CTTNBP2: variants seen among roughly 807,000 people sequenced by gnomAD.
CTTNBP2 encodes cortactin binding protein 2.
In CTTNBP2, 108 loss-of-function variants were observed where a neutral mutation model predicts 156.9. The observed-to-expected ratio is 0.69, with a 90% CI of 0.59 to 0.81. The LOEUF (loss-of-function observed/expected upper bound fraction) is 0.81. CTTNBP2 is among the 30% of genes least tolerant of loss of function. The pLI, the probability that CTTNBP2 is intolerant of heterozygous loss-of-function variation, is 0.00. For synonymous variants in CTTNBP2, 767 were observed against 751.8 expected (o/e 1.02, Z -0.33); for missense variants, 1,924 against 2,035.4 (o/e 0.95, Z 1.05).
intron 11 of CTTNBP2, among the ~76,000 whole-genome samples, chr7:117,757,490 A>G (rs1796945258): frequency 6.7e-6 from 1 of 149,530 alleles, no homozygotes; most frequent in African/African-American, 2.5e-5. Context: ...ATTAGCCTGT[A>G]CCATCGTGAT....
chr7:117,750,793 C>T (rs1449905490), intron 12 of CTTNBP2, among the ~76,000 whole-genome samples: 2 of 152,164 alleles, frequency 1.3e-5, no homozygotes, highest in Admixed American at 6.5e-5. Flanking sequence ...ACGCTTCCAG[C>T]AGAGGGCTCT....
intron 4 of CTTNBP2, 31 bp downstream of exon 4, chr7:117,791,097 T>C: frequency 6.4e-7 from 1 of 1,555,458 alleles, no homozygotes; most frequent in South Asian, 1.2e-5. Flanking sequence ...CCATATTCTT[T>C]AAAAAGCGTA....
chr7:117,861,078 G>T, intron 2 of CTTNBP2, 131 bp downstream of exon 2: 1 of 629,648 alleles, frequency 1.6e-6, no homozygotes, highest in South Asian at 2.0e-5. Context: ...TTGGGGTGAA[G>T]AGCACATTTT....
chr7:117,850,454 A>G (rs982881618), intron 2 of CTTNBP2, among the ~76,000 whole-genome samples: 1 of 152,194 alleles, frequency 6.6e-6, no homozygotes, highest in African/African-American at 2.4e-5. Flanking sequence ...GATAAATAGG[A>G]GAGACTAACA....
In CTTNBP2 at chr7:117,819,356, T is replaced by TTCTCTCTCTC. The variant is rs144262146; in HGVS notation, c.190-8377_190-8368dup. On this transcript the variant is annotated intron_variant, in intron 2 of 22. Coordinates refer to ENST00000160373, the MANE Select transcript of CTTNBP2 (RefSeq NM_033427.3). ...TTCACATACTCTTTCTCTTTTCTCC[T>TTCTCTCTCTC]TCTCTCTCTCTCACACACACACACA... Among the ~76,000 whole-genome samples the TTCTCTCTCTC allele has an allele frequency of 9.5e-4, 121 of 127,124 alleles. 2 individuals are homozygous for TTCTCTCTCTC. Among genetic ancestry groups the TTCTCTCTCTC allele is most frequent in the South Asian group, 4.7e-3 (17 of 3,632 alleles). The allele number at this position is 127,124 out of a possible 152,430, so 83.4% of individuals were successfully genotyped here. A position where few individuals can be genotyped will look rare whatever the true frequency, so the allele number is the denominator to read the frequency against.
rs527755711 is a variant in CTTNBP2 at position 117,836,027 on chromosome 7, C to T, written c.190-25038G>A. On this transcript the variant is annotated intron_variant, in intron 2 of 22. Transcript: ENST00000160373. ...TGTTGCCTGACACAAGGAAAAGTGT[C>T]GAGTTCTGTCACTTTCAAGAAGAGG... is the stretch of plus-strand genomic sequence containing the variant. Among the ~76,000 whole-genome samples the T allele has an allele frequency of 3.3e-5, 5 of 152,274 alleles. No individual in the cohort carries two copies. The South Asian group carries it at 6.2e-4, about 19-fold the overall frequency.
rs1162860528 is a variant in CTTNBP2 at position 117,819,365 on chromosome 7, TCTCACACA to T, written c.190-8384_190-8377del. Among the ~76,000 whole-genome samples, 39 of 136,916 alleles carry T rather than the reference TCTCACACA, an allele frequency of 2.8e-4. 1 individual carries two copies. Among genetic ancestry groups the T allele is most frequent in the Admixed American group, 1.0e-3 (14 of 13,998 alleles). 89.8% of individuals were successfully genotyped at this position (136,916 alleles called of 152,430 possible). ...TCTTTCTCTTTTCTCCTTCTCTCTC[TCTCACACA>T]CACACACACACACACACACACACAC... On this transcript the variant is annotated intron_variant, in intron 2 of 22. Transcript: ENST00000160373.
At chr7:117,721,367 A>C (rs890869814) in intron 19 of CTTNBP2, among the ~76,000 whole-genome samples, 1 of 152,242 alleles carries the variant, frequency 6.6e-6, no homozygotes, top group Admixed American at 6.5e-5. Context: ...GGAACTCGGT[A>C]CAACTAACAC....
At position 117,864,724 on chromosome 7, in the gene CTTNBP2, A is replaced by ATT. The variant is rs759692246; in HGVS notation, c.82-3409_82-3408insAA. ...CATATATTCATATATATTCATATAT[A>ATT]CATATATTCATATATATTCATTCAA... On this transcript the variant is annotated intron_variant, in intron 1 of 22. Coordinates refer to ENST00000160373, the MANE Select transcript of CTTNBP2 (RefSeq NM_033427.3). Among the ~76,000 whole-genome samples the ATT allele has an allele frequency of 3.3e-3, 440 of 131,696 alleles. 1 individual carries two copies. Among genetic ancestry groups the ATT allele is most frequent in the Non-Finnish European group, 5.8e-3 (350 of 60,488 alleles). The allele number at this position is 131,696 out of a possible 152,430, so 86.4% of individuals were successfully genotyped here. A position where few individuals can be genotyped will look rare whatever the true frequency, so the allele number is the denominator to read the frequency against.
chr7:117,762,117 G>A (rs1336025655), intron 9 of CTTNBP2, among the ~76,000 whole-genome samples: 3 of 152,098 alleles, frequency 2.0e-5, no homozygotes, highest in Non-Finnish European at 2.9e-5. Flanking sequence ...TAATGATAGT[G>A]TGTTTTGGGG....
chr7:117,768,127 G>A (rs1797595695), intron 8 of CTTNBP2, among the ~76,000 whole-genome samples: 2 of 151,594 alleles, frequency 1.3e-5, no homozygotes, highest in African/African-American at 4.9e-5. Flanking sequence ...CCACTTGGAG[G>A]CATGGGGCTG....
chr7:117,870,252 G>C (rs1302151729), intron 1 of CTTNBP2, among the ~76,000 whole-genome samples: 1 of 152,152 alleles, frequency 6.6e-6, no homozygotes, highest in African/African-American at 2.4e-5. Context: ...ATCTCAGTAA[G>C]TGTTCAGTAA....
intron 16 of CTTNBP2, among the ~76,000 whole-genome samples, chr7:117,732,937 A>G (rs1032600230): frequency 6.6e-6 from 1 of 152,006 alleles, no homozygotes. Flanking sequence ...TCATTATATA[A>G]CTCTTTTATA....
intron 2 of CTTNBP2, among the ~76,000 whole-genome samples, chr7:117,854,357 A>G (rs1311437888): frequency 6.6e-6 from 1 of 152,220 alleles, no homozygotes; most frequent in Non-Finnish European, 1.5e-5. Flanking sequence ...TGAAACCAAT[A>G]AAAAGCCAGA....
At chr7:117,839,516 A>C (rs1802152631) in intron 2 of CTTNBP2, among the ~76,000 whole-genome samples, 1 of 152,242 alleles carries the variant, frequency 6.6e-6, no homozygotes. Flanking sequence ...GTAATGTGAC[A>C]AATTGTTAGA....
intron 2 of CTTNBP2, among the ~76,000 whole-genome samples, chr7:117,819,549 C>T (rs868414444): frequency 6.6e-6 from 1 of 152,098 alleles, no homozygotes; most frequent in African/African-American, 2.4e-5. Context: ...TGAAAAATAA[C>T]TTCTAGAATT....
intron 2 of CTTNBP2, among the ~76,000 whole-genome samples, chr7:117,832,360 T>C (rs1198058205): frequency 1.3e-5 from 2 of 152,140 alleles, no homozygotes; most frequent in African/African-American, 4.8e-5. Context: ...ATAACACTCC[T>C]TCAGTCAACC....
At chr7:117,833,632 C>T (rs56278833) in intron 2 of CTTNBP2, among the ~76,000 whole-genome samples, 5,078 of 152,250 alleles carry the variant, frequency 0.033, 150 homozygotes, top group African/African-American at 0.064. Flanking sequence ...ATATGTTGTA[C>T]GTAGATCCTC....
chr7:117,753,394 C>A (rs1796721868), intron 12 of CTTNBP2, among the ~76,000 whole-genome samples: 1 of 152,076 alleles, frequency 6.6e-6, no homozygotes, highest in East Asian at 1.9e-4. Context: ...CCCAGCAATC[C>A]CATTACTGCG....
Sources: gnomAD v4.1 joint callset for allele counts (sites outside exome capture counted in the v4.1 genomes callset) on GRCh38, gnomAD v4.1.1 for gene constraint, MANE v1.5 for transcripts, NCBI Gene and HGNC (gene_info 2026-07-23, HGNC 2026-07-21) for gene names.